SLC4A1: variants seen among roughly 807,000 people sequenced by gnomAD.
The protein encoded by SLC4A1 is band 3 anion transport protein.
A neutral mutation model predicts 93.1 loss-of-function variants in SLC4A1; 29 were observed. The observed-to-expected ratio is 0.31, with a 90% CI of 0.23 to 0.42. The LOEUF (loss-of-function observed/expected upper bound fraction) is 0.42, where lower values mean the gene tolerates loss of function less well. Ranked by LOEUF, SLC4A1 falls within the 20% of genes least tolerant of loss-of-function variation. The pLI is 1.00. For synonymous variants in SLC4A1, 469 were observed against 497.2 expected (o/e 0.94, Z 0.76); for missense variants, 965 against 1,190.1 (o/e 0.81, Z 2.78).
In SLC4A1 at chr17:44,249,104, C is replaced by T. The variant is rs749729080; in HGVS notation, c.*1354G>A. On this transcript the variant is annotated 3_prime_UTR_variant, in exon 20 of 20. Transcript: ENST00000262418. The stretch of plus-strand genomic sequence containing the variant: ...CTCAAACTCCTGACCTCAAATGATC[C>T]GCCCAACTTGGCCTCCCAAAGTGCT... The T allele has an allele frequency of 1.0e-4, 45 of 439,614 alleles. 1 individual carries two copies. The highest frequency in any genetic ancestry group is 2.4e-4 in the South Asian group (15 of 61,616). 27.2% of individuals were successfully genotyped at this position (439,614 alleles called of 1,614,324 possible).
At chr17:44,264,644 G>A (rs2047480077) in intron 1 of SLC4A1, among the ~76,000 whole-genome samples, 1 of 152,224 alleles carries the variant, frequency 6.6e-6, no homozygotes, top group Admixed American at 6.5e-5. Context: ...AACATTTACT[G>A]AATGATTGTA....
chr17:44,264,038 T>G (rs2047474979), intron 1 of SLC4A1, among the ~76,000 whole-genome samples: 1 of 152,152 alleles, frequency 6.6e-6, no homozygotes, highest in African/African-American at 2.4e-5. Context: ...GGTCTCCCTC[T>G]GTTATCCAGG....
intron 16 of SLC4A1, 40 bp downstream of exon 16, chr17:44,254,456 C>CAA: frequency 7.3e-6 from 11 of 1,502,318 alleles, no homozygotes; most frequent in Non-Finnish European, 8.3e-6. Context: ...AGGTCCCTGC[C>CAA]TCCCACCCTC....
chr17:44,257,837 G>T (rs2047403721), intron 11 of SLC4A1, 30 bp from the exon 12 acceptor site: 1 of 1,612,946 alleles, frequency 6.2e-7, no homozygotes, highest in Non-Finnish European at 8.5e-7. Context: ...TGGGATCAAG[G>T]TCAGGAGATC....
chr17:44,251,729 TTTTTTTTTTTG>T (rs2047343682), intron 17 of SLC4A1, 141 bp from the exon 18 acceptor site: 1 of 659,398 alleles, frequency 1.5e-6, no homozygotes, highest in Non-Finnish European at 2.5e-6. Flanking sequence ...TCTTTTTTTT[TTTTTTTTTTTG>T]TTTTTTTTTT....
At chr17:44,265,304 C>T (rs904006636) in intron 1 of SLC4A1, among the ~76,000 whole-genome samples, 13 of 152,008 alleles carry the variant, frequency 8.6e-5, no homozygotes, top group South Asian at 2.1e-4. Context: ...GAGCAGGACG[C>T]GTTTGCAGCA....
intron 3 of SLC4A1, among the ~76,000 whole-genome samples, chr17:44,262,284 C>T (rs1034495203): frequency 3.9e-5 from 6 of 152,160 alleles, no homozygotes; most frequent in Non-Finnish European, 5.9e-5. Flanking sequence ...TCCCCACAAG[C>T]CCCTCATTTC....
chr17:44,266,867 G>A (rs1349512148), intron 1 of SLC4A1, among the ~76,000 whole-genome samples: 3 of 152,144 alleles, frequency 2.0e-5, no homozygotes, highest in South Asian at 2.1e-4. Flanking sequence ...AAGACACGGC[G>A]GGAGAGGGGA....
intron 9 of SLC4A1, 60 bp downstream of exon 9, chr17:44,259,103 C>A (rs1401204429): frequency 1.3e-6 from 2 of 1,561,148 alleles, no homozygotes; most frequent in African/African-American, 1.4e-5. Context: ...GGAGAGCAGG[C>A]CTCAGCCACC....
In SLC4A1 at chr17:44,251,492, A is replaced by G; in HGVS notation, c.2408T>C (p.Ile803Thr). ...LYMGVTSLSG[I>T]QLFDRILLLF... is the part of the protein sequence containing the mutation. ...AAGCAAGATGCGGTCAAAGAGCTGG[A>G]TGCCGCTGAGCGACGTGACCCCCAT... The change falls in exon 18 of 20, where the codon ATC becomes ACC. Residue 803 changes from isoleucine to threonine, a missense_variant. Transcript: ENST00000262418. 6.2e-7 allele frequency: 1 copy of G among 1,614,196 alleles called. No homozygotes were observed. The highest frequency in any genetic ancestry group is 8.5e-7 in the Non-Finnish European group (1 of 1,180,028).
Position 44,255,765 on chromosome 17 carries a change from T to C in SLC4A1, c.1708A>G (p.Thr570Ala), listed in dbSNP as rs766724609. Residue 570 changes from threonine to alanine, a missense_variant, in exon 14 of 20, where the codon ACA becomes GCA. This residue lies in a region of SLC4A1 where 770 missense variants were observed against 1,006.6 expected (regional missense o/e 0.76). Coordinates refer to ENST00000262418, the MANE Select transcript of SLC4A1 (RefSeq NM_000342.4). ...ATGAGCACAAGGGAGAGGAGGGCTGTGTTGGGCAGGGGGCCCTGAGGTTTG... is the reference window on the plus strand; with the variant it reads ...ATGAGCACAAGGGAGAGGAGGGCTGCGTTGGGCAGGGGGCCCTGAGGTTTG... ...VPKPQGPLPN[T>A]ALLSLVLMAG... 3 of 1,614,138 alleles carry C rather than the reference T, an allele frequency of 1.9e-6. No individual in the cohort carries two copies. The highest frequency in any genetic ancestry group is 2.5e-6 in the Non-Finnish European group (3 of 1,180,034).
At position 44,259,161 on chromosome 17, in the gene SLC4A1, A is replaced by G; in HGVS notation, c.876+2T>C. 6.2e-7 allele frequency: 1 copy of G among 1,613,778 alleles called. No homozygotes were observed. Among genetic ancestry groups the G allele is most frequent in the Non-Finnish European group, 8.5e-7 (1 of 1,179,986 alleles). ...GCCCAGCCCTCTCCGGCCCTTCCTT[A>G]CCCTCTCTGACATGAGGGTGGCAGC... On this transcript the variant is annotated splice_donor_variant, in intron 9 of 19. Coordinates refer to ENST00000262418, the MANE Select transcript of SLC4A1 (RefSeq NM_000342.4). LOFTEE classifies it high-confidence loss of function.
chr17:44,258,108 C>A lies in SLC4A1; in HGVS notation c.1160G>T (p.Arg387Leu). Residue 387 changes from arginine (R) to leucine (L), a missense_variant, in exon 11 of 20, where the codon CGG (arginine) becomes CTG (leucine). Around this residue, in one of 2 missense-constraint regions of SLC4A1, gnomAD observed 770 missense variants for 1,006.6 expected, o/e 0.76. Coordinates refer to ENST00000262418, the MANE Select transcript of SLC4A1 (RefSeq NM_000342.4). This position sits in a 1 kb window ranked among gnomAD's most constrained non-coding sequence, Gnocchi z 6.1. ...ACTCAGGTAATAGGGGTAGCGGCGCCGGATATCACGCACCAGGCCCCCGAA... is the reference window on the plus strand; with the variant it reads ...ACTCAGGTAATAGGGGTAGCGGCGCAGGATATCACGCACCAGGCCCCCGAA... Reference protein sequence around the residue: ...QLFGGLVRDIRRRYPYYLSDI... With the variant: ...QLFGGLVRDILRRYPYYLSDI... 1 of 1,614,008 alleles carries A rather than the reference C, an allele frequency of 6.2e-7. No individual in the cohort carries two copies. The highest frequency in any genetic ancestry group is 2.2e-5 in the East Asian group (1 of 44,872).
intron 1 of SLC4A1, among the ~76,000 whole-genome samples, chr17:44,264,493 G>A (rs1158771313): frequency 6.6e-6 from 1 of 152,146 alleles, no homozygotes; most frequent in Non-Finnish European, 1.5e-5. Flanking sequence ...CCAATACGTG[G>A]TTTCTTGATT....
Position 44,259,835 on chromosome 17 carries a change from G to A in SLC4A1, c.583C>T (p.Leu195=). The A allele has an allele frequency of 6.2e-7, 1 of 1,614,130 alleles. No individual in the cohort carries two copies. Among genetic ancestry groups the A allele is most frequent in the Non-Finnish European group, 8.5e-7 (1 of 1,180,024 alleles). The stretch of plus-strand genomic sequence containing the variant: ...TGCTCACAGAAGAGCTGTGTCTCCA[G>A]TGAGGAGTGTTGGGGGAGCAGAGGC... ...SQPLLPQHSS[L]ETQLFCEQGD... The change falls in exon 7 of 20, where the codon CTG becomes TTG. Residue 195 remains leucine (L), a synonymous_variant. Transcript: ENST00000262418.
At chr17:44,255,616 G>C in intron 14 of SLC4A1, 57 bp downstream of exon 14, 2 of 1,550,030 alleles carry the variant, frequency 1.3e-6, no homozygotes, top group Non-Finnish European at 8.9e-7. Flanking sequence ...GGAGCGGGGG[G>C]GCTTTGGGCT....
At chr17:44,264,792 C>T (rs1254731921) in intron 1 of SLC4A1, among the ~76,000 whole-genome samples, 1 of 151,994 alleles carries the variant, frequency 6.6e-6, no homozygotes, top group East Asian at 1.9e-4. Context: ...GTGCCTTCCC[C>T]AGGAATGTGA....
Position 44,254,481 on chromosome 17 carries a change from C to G in SLC4A1, c.2057+15G>C. On this transcript the variant is annotated intron_variant, in intron 16 of 19. Transcript: ENST00000262418. ...CTCCCACCCTCCCAGGCCCAGCCCCCACCCTGTCTCTCACGTGGTGATCTG... is the reference window on the plus strand; with the variant it reads ...CTCCCACCCTCCCAGGCCCAGCCCCGACCCTGTCTCTCACGTGGTGATCTG... 1 of 1,602,728 alleles carries G rather than the reference C, an allele frequency of 6.2e-7. No homozygotes were observed. Among genetic ancestry groups the G allele is most frequent in the Non-Finnish European group, 8.5e-7 (1 of 1,170,940 alleles).
At position 44,251,547 on chromosome 17, in the gene SLC4A1, G is replaced by A. The variant is rs1174651470; in HGVS notation, c.2353C>T (p.Leu785=). ...LMEPILSRIP[L]AVLFGIFLYM... ...AGGAAGATGCCAAACAGTACAGCCA[G>A]GGGGATGCGGGACAGGATGGGCTCC... is the stretch of plus-strand genomic sequence containing the variant. Residue 785 remains leucine, a synonymous_variant, in exon 18 of 20, where the codon CTG becomes TTG. Transcript: ENST00000262418. The A allele has an allele frequency of 6.2e-7, 1 of 1,614,094 alleles. No homozygotes were observed. The highest frequency in any genetic ancestry group is 1.1e-5 in the South Asian group (1 of 91,084).
Sources: gnomAD v4.1 joint callset for allele counts (sites outside exome capture counted in the v4.1 genomes callset) on GRCh38, gnomAD v4.1.1 for gene constraint, gnomAD v4.1.1 regional missense constraint, Gnocchi (gnomAD v3.1) non-coding constraint, MANE v1.5 for transcripts, NCBI Gene and HGNC (gene_info 2026-07-23, HGNC 2026-07-21) for gene names.